The following CBLN2 variants were observed in gnomAD, a reference collection of about 807,000 sequenced individuals.
CBLN2 encodes the protein cerebellin 2 precursor, also known as cerebellin-2.
CBLN2 carries 7 observed loss-of-function variants against 15.0 expected under a neutral mutation model. That is an observed-to-expected ratio of 0.47 (90% CI 0.27 to 0.88). The LOEUF (loss-of-function observed/expected upper bound fraction) is 0.88, where lower values mean the gene tolerates loss of function less well. Among genes scored for constraint, CBLN2 ranks in the 40% least tolerant of loss-of-function variants. CBLN2 has a pLI of 0.14. For missense variants in CBLN2, 242 were observed against 304.5 expected, an observed-to-expected ratio of 0.79 and a Z score of 1.53; for synonymous variants, 149 against 135.2, an observed-to-expected ratio of 1.10 and a Z score of -0.71.
chr18:72,617,239 A>G (rs2069668273), intron 1 of CBLN2, among the ~76,000 whole-genome samples: 1 of 152,196 alleles, frequency 6.6e-6, no homozygotes, highest in Non-Finnish European at 1.5e-5. Flanking sequence ...TAATCTCTAA[A>G]TTACCAATGT....
At chr18:72,582,228 A>G (rs746219241) in intron 1 of CBLN2, among the ~76,000 whole-genome samples, 8 of 152,190 alleles carry the variant, frequency 5.3e-5, no homozygotes, top group Non-Finnish European at 1.2e-4. Flanking sequence ...TTCCATGTCA[A>G]TTTTAGATAT....
At position 72,543,117 on chromosome 18, in the gene CBLN2, G is replaced by T. The variant is rs2069130816; in HGVS notation, c.-167+369C>A. Reference sequence around the variant, plus strand: ...CCAGCTCTGGTTTCCAGACCACGGGGATTCTCTCTTTCTCAGCGGGGCGGC... The same window carrying T: ...CCAGCTCTGGTTTCCAGACCACGGGTATTCTCTCTTTCTCAGCGGGGCGGC... On this transcript the variant is annotated intron_variant, in intron 2 of 4. Coordinates refer to ENST00000269503, the MANE Select transcript of CBLN2 (RefSeq NM_182511.4). The surrounding 1 kb of genome is among the most constrained non-coding windows in gnomAD (Gnocchi z 6.8). 1 of 190,780 alleles carries T rather than the reference G, an allele frequency of 5.2e-6. No homozygotes were observed. Among genetic ancestry groups the T allele is most frequent in the African/African-American group, 2.3e-5 (1 of 43,072 alleles). 11.8% of individuals were successfully genotyped at this position (190,780 alleles called of 1,614,324 possible). A position where few individuals can be genotyped will look rare whatever the true frequency, so the allele number is the denominator to read the frequency against.
intron 1 of CBLN2, among the ~76,000 whole-genome samples, chr18:72,560,091 ACT>A (rs1286315950): frequency 6.6e-6 from 1 of 152,080 alleles, no homozygotes; most frequent in African/African-American, 2.4e-5. Context: ...CCAATTTTTC[ACT>A]GTTTACTTGC....
At chr18:72,563,133 T>A (rs907928301) in intron 1 of CBLN2, among the ~76,000 whole-genome samples, 1 of 152,122 alleles carries the variant, frequency 6.6e-6, no homozygotes, top group Non-Finnish European at 1.5e-5. Flanking sequence ...TAGAAAATAA[T>A]GAGCATGTGC....
intron 1 of CBLN2, among the ~76,000 whole-genome samples, chr18:72,624,775 A>G (rs1210755272): frequency 6.6e-6 from 1 of 152,192 alleles, no homozygotes; most frequent in Admixed American, 6.5e-5. Context: ...TGTGTATTGA[A>G]TAATTGGTCT....
At chr18:72,605,345 C>A (rs1380772597) in intron 1 of CBLN2, among the ~76,000 whole-genome samples, 2 of 152,074 alleles carry the variant, frequency 1.3e-5, no homozygotes, top group African/African-American at 4.8e-5. Flanking sequence ...GTTTTTTAAA[C>A]AAAATTCAGA....
intron 1 of CBLN2, among the ~76,000 whole-genome samples, chr18:72,628,522 C>T (rs774672448): frequency 6.6e-5 from 10 of 152,102 alleles, no homozygotes; most frequent in Non-Finnish European, 1.5e-4. Context: ...GGAGATGGCC[C>T]GGCCTTTATA....
chr18:72,625,644 CTAT>C (rs552946666), intron 1 of CBLN2, among the ~76,000 whole-genome samples: 24 of 140,314 alleles, frequency 1.7e-4, no homozygotes, highest in African/African-American at 3.9e-4. Context: ...CAGTATTACT[CTAT>C]TATTATTATT....
chr18:72,565,022 A>G (rs1179046756), intron 1 of CBLN2, among the ~76,000 whole-genome samples: 1 of 152,238 alleles, frequency 6.6e-6, no homozygotes, highest in Non-Finnish European at 1.5e-5. Flanking sequence ...CTGTCGGCCA[A>G]GAATAGCACT....
intron 1 of CBLN2, among the ~76,000 whole-genome samples, chr18:72,616,200 T>C (rs557740446): frequency 6.6e-6 from 1 of 152,330 alleles, no homozygotes; most frequent in South Asian, 2.1e-4. Flanking sequence ...ACCACCCTGC[T>C]CTTTCATAGC....
intron 1 of CBLN2, among the ~76,000 whole-genome samples, chr18:72,637,123 T>C (rs1365905760): frequency 6.6e-6 from 1 of 152,070 alleles, no homozygotes; most frequent in African/African-American, 2.4e-5. Context: ...GGGAATTTTA[T>C]TTTCCTCTTA....
chr18:72,538,501 C>T, intron 4 of CBLN2, 128 bp from the exon 5 acceptor site: 2 of 1,411,144 alleles, frequency 1.4e-6, no homozygotes, highest in Non-Finnish European at 2.0e-6. Flanking sequence ...GGGAGCCTGA[C>T]AGTGAGCACT....
chr18:72,625,932 C>G (rs2069736393), intron 1 of CBLN2, among the ~76,000 whole-genome samples: 3 of 150,160 alleles, frequency 2.0e-5, no homozygotes, highest in Non-Finnish European at 1.5e-5. Flanking sequence ...TGAGGCTACT[C>G]CTTGGCAAAG....
intron 1 of CBLN2, among the ~76,000 whole-genome samples, chr18:72,581,052 A>G (rs1330946807): frequency 6.6e-6 from 1 of 152,100 alleles, no homozygotes; most frequent in African/African-American, 2.4e-5. Flanking sequence ...TTTGCAAGAA[A>G]CCTCTTAGGT....
chr18:72,633,654 T>C (rs1000629254), intron 1 of CBLN2, among the ~76,000 whole-genome samples: 2 of 152,176 alleles, frequency 1.3e-5, no homozygotes, highest in Non-Finnish European at 2.9e-5. Context: ...TGTGTAAAGA[T>C]AACAATCTTA....
intron 1 of CBLN2, among the ~76,000 whole-genome samples, chr18:72,616,618 T>C (rs550066863): frequency 6.6e-6 from 1 of 152,354 alleles, no homozygotes; most frequent in African/African-American, 2.4e-5. Flanking sequence ...TTTTCCATTA[T>C]TGTGTGAGCA....
intron 1 of CBLN2, among the ~76,000 whole-genome samples, chr18:72,628,916 C>T (rs957828071): frequency 1.3e-5 from 2 of 152,068 alleles, no homozygotes; most frequent in African/African-American, 4.8e-5. Flanking sequence ...CCCCTTTGGC[C>T]TGTGCATAGA....
upstream of CBLN2, among the ~76,000 whole-genome samples, chr18:72,548,177 T>A (rs546702984): frequency 1.3e-5 from 2 of 152,178 alleles, no homozygotes. Flanking sequence ...TGCGTGCCAC[T>A]AAGCTGCCTT....
chr18:72,638,358 T>A, exon 1 of CBLN2: 2 of 398,532 alleles, frequency 5.0e-6, no homozygotes, highest in Non-Finnish European at 8.8e-6. Context: ...TCACAGAAAA[T>A]GAAAATATGT....
Sources: gnomAD v4.1 joint callset for allele counts (sites outside exome capture counted in the v4.1 genomes callset) on GRCh38, gnomAD v4.1.1 for gene constraint, Gnocchi (gnomAD v3.1) non-coding constraint, MANE v1.5 for transcripts, NCBI Gene and HGNC (gene_info 2026-07-23, HGNC 2026-07-21) for gene names.